CCDC83: variants seen among roughly 807,000 people sequenced by gnomAD.
The protein encoded by CCDC83 is coiled-coil domain-containing protein 83.
In CCDC83, 54 loss-of-function variants were observed where a neutral mutation model predicts 50.1. The observed-to-expected ratio is 1.08, with a 90% CI of 0.87 to 1.35. The LOEUF (loss-of-function observed/expected upper bound fraction) is 1.35, where lower values mean the gene tolerates loss of function less well. Ranked by LOEUF, CCDC83 falls within the 40% of genes most tolerant of loss-of-function variation. The pLI, the probability that CCDC83 is intolerant of heterozygous loss-of-function variation, is 0.00. For synonymous variants in CCDC83, 161 were observed against 153.3 expected (o/e 1.05, Z -0.37); for missense variants, 518 against 473.9 (o/e 1.09, Z -0.86).
intron 1 of CCDC83, among the ~76,000 whole-genome samples, chr11:85,860,649 G>C (rs1232742288): frequency 6.6e-6 from 1 of 152,138 alleles, no homozygotes; most frequent in African/African-American, 2.4e-5. Flanking sequence ...TATACCCTAA[G>C]GAAAATAAAT....
At chr11:85,913,090 G>A (rs1234705717) in intron 8 of CCDC83, among the ~76,000 whole-genome samples, 1 of 152,182 alleles carries the variant, frequency 6.6e-6, no homozygotes, top group Non-Finnish European at 1.5e-5. Flanking sequence ...CTGTTCATCA[G>A]TGCTTTAGGG....
At chr11:85,892,160 A>G (rs968311096) in intron 5 of CCDC83, among the ~76,000 whole-genome samples, 10 of 152,226 alleles carry the variant, frequency 6.6e-5, no homozygotes, top group Non-Finnish European at 1.3e-4. Flanking sequence ...ACAGCAGGGA[A>G]GGTGGAACAG....
Position 85,916,117 on chromosome 11 carries a change from G to A in CCDC83, c.964G>A (p.Glu322Lys). The A allele has an allele frequency of 6.2e-7, 1 of 1,613,228 alleles. No individual in the cohort carries two copies. The highest frequency in any genetic ancestry group is 8.5e-7 in the Non-Finnish European group (1 of 1,179,292). ...DESTILHLSH[E>K]NSIEDLQYVK... ...GAGCACTATCTTACATCTTAGTCAT[G>A]AAAATAGCATCGAAGATCTCCAGTA... is the stretch of plus-strand genomic sequence containing the variant. Residue 322 changes from glutamate to lysine, a missense_variant, in exon 10 of 11, where the codon GAA (glutamate) becomes AAA (lysine). Physicochemically the swap from Glu to Lys is moderately conservative, Grantham distance 56. Coordinates refer to ENST00000342404, the MANE Select transcript of CCDC83 (RefSeq NM_001286159.2).
intron 7 of CCDC83, 142 bp downstream of exon 7, chr11:85,899,157 ATCTC>A: frequency 1.7e-6 from 1 of 604,224 alleles, no homozygotes; most frequent in Non-Finnish European, 2.9e-6. Context: ...TGGAGTCCTC[ATCTC>A]ATTACAAGCT....
intron 2 of CCDC83, among the ~76,000 whole-genome samples, chr11:85,866,593 A>G (rs546990725): frequency 8.8e-4 from 134 of 152,008 alleles, no homozygotes; most frequent in African/African-American, 3.1e-3. Context: ...GGTCAAGGTT[A>G]CAGTGAGCCA....
intron 3 of CCDC83, among the ~76,000 whole-genome samples, chr11:85,877,232 G>A (rs931239425): frequency 6.6e-6 from 1 of 152,204 alleles, no homozygotes; most frequent in Non-Finnish European, 1.5e-5. Flanking sequence ...CACTTTGGGA[G>A]GCCAAGGCAG....
rs200852045 is a variant in CCDC83 at position 85,873,315 on chromosome 11, C to G, written c.180+20C>G. 1.9e-6 allele frequency: 2 copies of G among 1,053,944 alleles called. No individual in the cohort carries two copies. The highest frequency in any genetic ancestry group is 3.2e-5 in the African/African-American group (2 of 61,670). The allele number at this position is 1,053,944 out of a possible 1,614,324, so 65.3% of individuals were successfully genotyped here. The stretch of plus-strand genomic sequence containing the variant: ...GAAAGAGTGAGTATAAAATTTAGAA[C>G]CTATATATAGTCATTAAATATTTAC... On this transcript the variant is annotated intron_variant, in intron 3 of 10. Coordinates refer to ENST00000342404, the MANE Select transcript of CCDC83 (RefSeq NM_001286159.2).
chr11:85,898,836 T>C (rs944879452), intron 6 of CCDC83, 111 bp from the exon 7 acceptor site: 2 of 769,942 alleles, frequency 2.6e-6, no homozygotes, highest in Non-Finnish European at 4.5e-6. Flanking sequence ...GTTCCTAAAG[T>C]AATTGCAGAC....
chr11:85,866,660 A>G (rs2093208561), intron 2 of CCDC83, among the ~76,000 whole-genome samples: 1 of 139,102 alleles, frequency 7.2e-6, no homozygotes, highest in South Asian at 2.2e-4. Flanking sequence ...TCTCAAAAAA[A>G]CAAAACAAAA....
intron 7 of CCDC83, among the ~76,000 whole-genome samples, chr11:85,909,286 C>G (rs913896970): frequency 6.6e-6 from 1 of 152,230 alleles, no homozygotes; most frequent in South Asian, 2.1e-4. Context: ...CTCAGTTACA[C>G]TCTTGGCAGC....
At chr11:85,863,601 G>T (rs2093190187) in intron 1 of CCDC83, among the ~76,000 whole-genome samples, 1 of 152,230 alleles carries the variant, frequency 6.6e-6, no homozygotes, top group Admixed American at 6.5e-5. Flanking sequence ...AGCCTGACTG[G>T]AAGTCTGAGT....
Position 85,897,647 on chromosome 11 carries a change from G to A in CCDC83, c.604-1300G>A, listed in dbSNP as rs947759220. Among the ~76,000 whole-genome samples the A allele has an allele frequency of 9.3e-4, 141 of 152,244 alleles. 2 individuals carry two copies. The highest frequency in any genetic ancestry group is 1.3e-4 in the Non-Finnish European group (9 of 68,022). Reference sequence around the variant, plus strand: ...ATGTGTAACTAAGGTTGAAATCACTGATCCACTGTTAGTGAATCCAGCCAT... The same window carrying A: ...ATGTGTAACTAAGGTTGAAATCACTAATCCACTGTTAGTGAATCCAGCCAT... On this transcript the variant is annotated intron_variant, in intron 6 of 10. Transcript: ENST00000342404.
Position 85,890,566 on chromosome 11 carries a change from T to C in CCDC83, c.511+4199T>C, listed in dbSNP as rs138231982. 1.1e-3 allele frequency among the ~76,000 whole-genome samples: 165 copies of C among 152,318 alleles called. 1 individual carries two copies. Among genetic ancestry groups the C allele is most frequent in the African/African-American group, 3.8e-3 (160 of 41,574 alleles). On this transcript the variant is annotated intron_variant, in intron 5 of 10. Coordinates refer to ENST00000342404, the MANE Select transcript of CCDC83 (RefSeq NM_001286159.2). ...GAAATCCCATTTGAAATGGGGAAGC[T>C]TGTCCTCCAAAGAACCTACTAAAAC...
chr11:85,919,326 T>C, intron 10 of CCDC83, 23 bp from the exon 11 acceptor site: 1 of 1,568,124 alleles, frequency 6.4e-7, no homozygotes, highest in East Asian at 2.3e-5. Context: ...TCTCCTATTC[T>C]TTTTTGTGCC....
intron 6 of CCDC83, among the ~76,000 whole-genome samples, chr11:85,897,615 G>C (rs986541038): frequency 2.0e-5 from 3 of 152,136 alleles, no homozygotes; most frequent in Admixed American, 1.3e-4. Context: ...GCTTCTAGGA[G>C]ATTCAAATGT....
chr11:85,895,374 G>T lies in CCDC83; in HGVS notation c.593G>T (p.Trp198Leu). 6.5e-7 allele frequency: 1 copy of T among 1,542,028 alleles called. No homozygotes were observed. The change falls in exon 6 of 11, where the codon TGG becomes TTG. Residue 198 changes from tryptophan to leucine, a missense_variant. By Grantham distance (61) the Trp-to-Leu change is moderately conservative. Transcript: ENST00000342404. Reference protein sequence around the residue: ...TLLQLDQKKEWATQNAVKLID... With the variant: ...TLLQLDQKKELATQNAVKLID... ...TTGCAACTGGACCAAAAGAAGGAAT[G>T]GGCCACACAGGTATAATTCAATTTT...
At chr11:85,864,074 G>A (rs1160321320) in intron 1 of CCDC83, among the ~76,000 whole-genome samples, 1 of 152,144 alleles carries the variant, frequency 6.6e-6, no homozygotes, top group Non-Finnish European at 1.5e-5. Flanking sequence ...TAACAGTGAT[G>A]GATCTAGGAT....
At chr11:85,862,854 A>G (rs59179556) in intron 1 of CCDC83, among the ~76,000 whole-genome samples, 24,260 of 152,226 alleles carry the variant, frequency 0.16, 2,117 homozygotes, top group Middle Eastern at 0.2. Context: ...AGACAGTCCA[A>G]TTGGCTTACT....
chr11:85,917,509 G>T lies in CCDC83; in HGVS notation c.1080+1276G>T, dbSNP rs147810936. Among the ~76,000 whole-genome samples, 67 of 152,276 alleles carry T rather than the reference G, an allele frequency of 4.4e-4. 2 individuals are homozygous for T. The East Asian group carries it at 0.012, about 26-fold the overall frequency. On this transcript the variant is annotated intron_variant, in intron 10 of 10. Transcript: ENST00000342404. ...AGGCTATCTTTGGAAAGTACAGATT[G>T]CACATATACCATTCATTAAAACCTG...
Sources: gnomAD v4.1 joint callset for allele counts (sites outside exome capture counted in the v4.1 genomes callset) on GRCh38, gnomAD v4.1.1 for gene constraint, MANE v1.5 for transcripts, NCBI Gene and HGNC (gene_info 2026-07-23, HGNC 2026-07-21) for gene names.